The following GRIK3 variants were observed in gnomAD, a reference collection of about 807,000 sequenced individuals.
GRIK3 encodes the protein glutamate ionotropic receptor kainate type subunit 3.
In GRIK3, 29 loss-of-function variants were observed where a neutral mutation model predicts 102.5. The observed-to-expected ratio is 0.28, with a 90% CI of 0.21 to 0.39. The LOEUF (loss-of-function observed/expected upper bound fraction) is 0.39. Ranked by LOEUF, GRIK3 falls within the 10% of genes least tolerant of loss-of-function variation. The pLI, the probability that GRIK3 is intolerant of heterozygous loss-of-function variation, is 1.00. For missense variants in GRIK3, 908 were observed against 1,252.4 expected (o/e 0.73, Z 4.15); for synonymous variants, 511 against 504.9 (o/e 1.01, Z -0.16).
rs1570749058 is a variant in GRIK3, at chr1:36,831,628, T to A, written c.1531-5802A>T. The stretch of plus-strand genomic sequence containing the variant: ...TACAGTCATGCGTGATCTAGTCCAG[T>A]GCTGTCCAACAGAGCTTCCTGCAAC... On this transcript the variant is annotated intron_variant, in intron 10 of 15. Transcript: ENST00000373091. Among the ~76,000 whole-genome samples, 5 of 152,344 alleles carry A rather than the reference T, an allele frequency of 3.3e-5. No homozygotes were observed. In the South Asian group the frequency reaches 1.0e-3, roughly 32 times the overall value.
At chr1:36,891,909 A>G (rs1188097213) in intron 1 of GRIK3, among the ~76,000 whole-genome samples, 2 of 152,262 alleles carry the variant, frequency 1.3e-5, no homozygotes, top group Non-Finnish European at 2.9e-5. Context: ...ATCAGTGACA[A>G]TCAGTAAAAA....
chr1:36,962,610 C>T (rs1557443221), intron 1 of GRIK3, among the ~76,000 whole-genome samples: 1 of 143,214 alleles, frequency 7.0e-6, no homozygotes, highest in East Asian at 2.0e-4. Context: ...AAGTGGTTAG[C>T]GGTGGAGGAA....
In GRIK3 at chr1:36,993,972, A is replaced by T. The variant is rs909309633; in HGVS notation, c.115+40022T>A. ...TCCCTCCCTTCTTCCCCAGGGGAGG[A>T]TCACAAGCACAGTCCTAATACATAC... On this transcript the variant is annotated intron_variant, in intron 1 of 15. Coordinates refer to ENST00000373091, the MANE Select transcript of GRIK3 (RefSeq NM_000831.4). Among the ~76,000 whole-genome samples the T allele has an allele frequency of 6.6e-5, 10 of 152,246 alleles. No individual in the cohort carries two copies. In the South Asian group the frequency reaches 2.1e-3, roughly 32 times the overall value.
At chr1:36,967,954 G>A (rs776826166) in intron 1 of GRIK3, among the ~76,000 whole-genome samples, 1 of 152,144 alleles carries the variant, frequency 6.6e-6, no homozygotes, top group Non-Finnish European at 1.5e-5. Flanking sequence ...CCTGGCCCCG[G>A]GTACCTGGGA....
chr1:36,823,652 G>A (rs1169804241), intron 11 of GRIK3, among the ~76,000 whole-genome samples: 1 of 152,104 alleles, frequency 6.6e-6, no homozygotes, highest in African/African-American at 2.4e-5. Context: ...TCAGCCAGGT[G>A]AGCTCTCCGG....
chr1:36,826,748 G>A (rs1016318881), intron 10 of GRIK3, among the ~76,000 whole-genome samples: 5 of 152,096 alleles, frequency 3.3e-5, no homozygotes, highest in East Asian at 1.9e-4. Flanking sequence ...GAGGTGGTGC[G>A]GAGTGGAAAA....
chr1:36,835,571 A>G (rs1487142878), intron 10 of GRIK3, among the ~76,000 whole-genome samples: 1 of 152,158 alleles, frequency 6.6e-6, no homozygotes, highest in African/African-American at 2.4e-5. Context: ...TTTCCCTGGC[A>G]TCACAACCCC....
intron 9 of GRIK3, among the ~76,000 whole-genome samples, chr1:36,843,967 G>A (rs1030434156): frequency 6.6e-6 from 1 of 152,218 alleles, no homozygotes; most frequent in Non-Finnish European, 1.5e-5. Flanking sequence ...CCCCAGGGTG[G>A]GATGGGCAGT....
chr1:36,908,599 G>A (rs970458316), intron 1 of GRIK3, among the ~76,000 whole-genome samples: 8 of 152,270 alleles, frequency 5.3e-5, no homozygotes, highest in South Asian at 4.1e-4. Context: ...CCTCATGATC[G>A]TTATTTAAAG....
At chr1:36,958,604 ACCTGTGTGCCCTGTGAG>A (rs1490058379) in intron 1 of GRIK3, among the ~76,000 whole-genome samples, 6 of 70,098 alleles carry the variant, frequency 8.6e-5, no homozygotes, top group South Asian at 5.0e-4. Context: ...TGTCCTGTGA[ACCTGTGTGCCCTGTGAG>A]CCTGTGTGCC....
chr1:37,027,758 T>C (rs1427045635), intron 1 of GRIK3, among the ~76,000 whole-genome samples: 1 of 152,126 alleles, frequency 6.6e-6, no homozygotes, highest in Non-Finnish European at 1.5e-5. Context: ...ACCTTTGTAG[T>C]GACTTTGGGC....
At chr1:36,873,614 A>C (rs1640868379) in intron 3 of GRIK3, among the ~76,000 whole-genome samples, 1 of 151,950 alleles carries the variant, frequency 6.6e-6, no homozygotes, top group Non-Finnish European at 1.5e-5. Flanking sequence ...TCCTGGTGAC[A>C]CAGTTCACAC....
intron 1 of GRIK3, among the ~76,000 whole-genome samples, chr1:36,928,970 A>G (rs1182638736): frequency 1.3e-5 from 2 of 152,210 alleles, no homozygotes; most frequent in Non-Finnish European, 2.9e-5. Context: ...AGAATGACTC[A>G]TGTTTATTGA....
At chr1:36,811,325 G>C (rs773867571) in intron 13 of GRIK3, among the ~76,000 whole-genome samples, 7 of 152,106 alleles carry the variant, frequency 4.6e-5, no homozygotes, top group Non-Finnish European at 8.8e-5. Flanking sequence ...GTCCAGGCAG[G>C]GTATTGAAGT....
chr1:36,804,006 C>G (rs1318483425), intron 15 of GRIK3, among the ~76,000 whole-genome samples: 3 of 152,206 alleles, frequency 2.0e-5, no homozygotes, highest in South Asian at 2.1e-4. Flanking sequence ...TCTGAACATA[C>G]CGTGAAGTTG....
chr1:36,823,472 C>CAAAAAAAA (rs71053954), intron 11 of GRIK3, among the ~76,000 whole-genome samples: 10 of 38,098 alleles, frequency 2.6e-4, no homozygotes, highest in African/African-American at 6.8e-4. Flanking sequence ...GACTCCGTCT[C>CAAAAAAAA]AAAAAAAAAA....
intron 1 of GRIK3, among the ~76,000 whole-genome samples, chr1:36,903,816 G>A (rs1173067703): frequency 6.6e-6 from 1 of 152,172 alleles, no homozygotes; most frequent in Non-Finnish European, 1.5e-5. Flanking sequence ...GGTGGAGGAG[G>A]GAGAGATGCA....
intron 1 of GRIK3, among the ~76,000 whole-genome samples, chr1:36,958,521 AAGCCTGTGTGTCCCGTG>A (rs1641954299): frequency 2.0e-5 from 2 of 100,042 alleles, no homozygotes; most frequent in South Asian, 3.8e-4. Context: ...TGTGCCCCAT[AAGCCTGTGTGTCCCGTG>A]AGCCTGTGTG....
chr1:36,806,167 A>G lies in GRIK3; in HGVS notation c.2251T>C (p.Cys751Arg). 1 of 1,614,088 alleles carries G rather than the reference A, an allele frequency of 6.2e-7. No homozygotes were observed. The highest frequency in any genetic ancestry group is 8.5e-7 in the Non-Finnish European group (1 of 1,180,000). Residue 751 changes from cysteine to arginine, a missense_variant, in exon 14 of 16, where the codon TGC (cysteine) becomes CGC (arginine). By Grantham distance (180) the Cys-to-Arg change is radical. This residue lies in a region of GRIK3 where 297 missense variants were observed against 362.7 expected (regional missense o/e 0.82). Coordinates refer to ENST00000373091, the MANE Select transcript of GRIK3 (RefSeq NM_000831.4). This position sits in a 1 kb window ranked among gnomAD's most constrained non-coding sequence, Gnocchi z 4.0. ...AGGCCCCCGATCTGGGTGAGGTTGC[A>G]GTTCCTCTGCGTGACGTACTCGATG... ...TTIEYVTQRN[C>R]NLTQIGGLID...
Sources: gnomAD v4.1 joint callset for allele counts (sites outside exome capture counted in the v4.1 genomes callset) on GRCh38, gnomAD v4.1.1 for gene constraint, gnomAD v4.1.1 regional missense constraint, Gnocchi (gnomAD v3.1) non-coding constraint, MANE v1.5 for transcripts, NCBI Gene and HGNC (gene_info 2026-07-23, HGNC 2026-07-21) for gene names.